Variants in RIC3 observed in about 807,000 individuals in gnomAD.
RIC3 encodes the protein protein RIC-3.
In RIC3, 28 loss-of-function variants were observed where a neutral mutation model predicts 27.3. The ratio of observed to expected loss-of-function variants is 1.02; its 90% confidence interval spans 0.76 to 1.41. The LOEUF is 1.41. Ranked by LOEUF, RIC3 falls within the 40% of genes most tolerant of loss-of-function variation. The pLI is 0.00. For missense variants in RIC3, 501 were observed against 444.7 expected, an observed-to-expected ratio of 1.13 and a Z score of -1.14; for synonymous variants, 184 against 160.4, an observed-to-expected ratio of 1.15 and a Z score of -1.11.
At chr11:8,138,109 T>C (rs112505372) in intron 3 of RIC3, among the ~76,000 whole-genome samples, 163 bp downstream of exon 3, 2 of 152,192 alleles carry the variant, frequency 1.3e-5, no homozygotes, top group South Asian at 2.1e-4. Flanking sequence ...TACATCAATA[T>C]AAAAACTTTT....
the RIC3 span, chr11:8,095,637 G>T: frequency 7.5e-6 from 12 of 1,607,008 alleles, no homozygotes; most frequent in Non-Finnish European, 1.0e-5. Flanking sequence ...CCAGCGGGCA[G>T]GATCTCCGTG....
the RIC3 span, chr11:8,100,773 G>A: frequency 6.2e-7 from 1 of 1,603,926 alleles, no homozygotes; most frequent in Non-Finnish European, 8.5e-7. Context: ...CCTTTCTGGG[G>A]TGGTCATGGT....
intron 4 of RIC3, chr11:8,128,317 T>G (rs1947235232): frequency 4.4e-6 from 2 of 456,376 alleles, no homozygotes; most frequent in Admixed American, 4.7e-5. Context: ...CAGTCTTAAT[T>G]CTGTTTCCTA....
the RIC3 span, chr11:8,097,141 C>T: frequency 3.1e-5 from 46 of 1,470,086 alleles, no homozygotes; most frequent in South Asian, 2.6e-4. Flanking sequence ...CCCACCGCCA[C>T]GTTAGGAGGC....
chr11:8,150,107 T>C (rs868674986), intron 1 of RIC3, among the ~76,000 whole-genome samples: 14 of 152,172 alleles, frequency 9.2e-5, no homozygotes, highest in African/African-American at 2.9e-4. Context: ...CTACAGCTTA[T>C]TGAATATGTA....
intron 4 of RIC3, among the ~76,000 whole-genome samples, chr11:8,130,541 C>G (rs565353830): frequency 6.6e-6 from 1 of 152,186 alleles, no homozygotes; most frequent in Admixed American, 6.5e-5. Flanking sequence ...TGTCTGCAAC[C>G]AAGGAACCCT....
chr11:8,128,356 T>C (rs1453335477), intron 4 of RIC3: 1 of 439,822 alleles, frequency 2.3e-6, no homozygotes, highest in Non-Finnish European at 4.5e-6. Context: ...GCCCTTATCC[T>C]AAAAGAGGAT....
chr11:8,125,097 CA>C (rs1022851965), intron 5 of RIC3, among the ~76,000 whole-genome samples: 1 of 151,416 alleles, frequency 6.6e-6, no homozygotes, highest in Non-Finnish European at 1.5e-5. Context: ...ACTAAAAATA[CA>C]AAAAAATTAG....
chr11:8,136,941 A>G (rs564168772), intron 4 of RIC3, among the ~76,000 whole-genome samples: 2 of 152,230 alleles, frequency 1.3e-5, no homozygotes, highest in East Asian at 3.8e-4. Context: ...CGTAAATGAC[A>G]TATTTACAAT....
At chr11:8,167,714 T>C (rs536054200) in intron 1 of RIC3, among the ~76,000 whole-genome samples, 1 of 150,942 alleles carries the variant, frequency 6.6e-6, no homozygotes, top group Non-Finnish European at 1.5e-5. Context: ...TTCTTCAAAG[T>C]AGACAATATC....
At chr11:8,119,495 A>T (rs929902971) in intron 5 of RIC3, among the ~76,000 whole-genome samples, 17 of 152,166 alleles carry the variant, frequency 1.1e-4, no homozygotes, top group African/African-American at 2.2e-4. Flanking sequence ...TAGCCATATG[A>T]AGAAAGCTGA....
intron 5 of RIC3, among the ~76,000 whole-genome samples, chr11:8,116,347 A>G (rs11041748): frequency 0.035 from 5,382 of 152,302 alleles, 116 homozygotes; most frequent in South Asian, 0.083. Flanking sequence ...AAACCTAGGG[A>G]AAAAGCTCCA....
At chr11:8,127,033 C>A in intron 4 of RIC3, 1 of 567,030 alleles carries the variant, frequency 1.8e-6, no homozygotes, top group Non-Finnish European at 3.1e-6. Flanking sequence ...CAAGTGATTG[C>A]CCAAGGTCCC....
At chr11:8,148,951 C>T (rs1486292727) in intron 1 of RIC3, among the ~76,000 whole-genome samples, 2 of 148,254 alleles carry the variant, frequency 1.3e-5, no homozygotes. Flanking sequence ...GAGGCTTAGG[C>T]GGGCAGATCA....
chr11:8,158,908 T>G (rs1950927294), intron 1 of RIC3, among the ~76,000 whole-genome samples: 1 of 148,714 alleles, frequency 6.7e-6, no homozygotes, highest in Non-Finnish European at 1.5e-5. Context: ...AATTTTTGTA[T>G]TTTTAGTAGA....
Position 8,107,392 on chromosome 11 carries a change from G to A in RIC3, c.*3306C>T, listed in dbSNP as rs923996626. On this transcript the variant is annotated 3_prime_UTR_variant, in exon 6 of 6. Coordinates refer to ENST00000309737, the MANE Select transcript of RIC3 (RefSeq NM_001206671.4). Reference sequence around the variant, plus strand: ...CTCTGGTGGGAAATAGCGCATACAGGATATTCTAAAAAGGAAAGAGGGTTT... The same window carrying A: ...CTCTGGTGGGAAATAGCGCATACAGAATATTCTAAAAAGGAAAGAGGGTTT... The A allele has an allele frequency of 2.0e-5, 3 of 152,164 alleles. No individual in the cohort carries two copies. The highest frequency in any genetic ancestry group is 1.9e-4 in the East Asian group (1 of 5,198). 9.4% of individuals were successfully genotyped at this position (152,164 alleles called of 1,614,324 possible). A position where few individuals can be genotyped will look rare whatever the true frequency, so the allele number is the denominator to read the frequency against.
chr11:8,100,309 A>C, the RIC3 span, among the ~76,000 whole-genome samples: 1 of 152,196 alleles, frequency 6.6e-6, no homozygotes, highest in Non-Finnish European at 1.5e-5. Flanking sequence ...AGGATGACGC[A>C]TAAGAGGAGC....
Position 8,109,900 on chromosome 11 carries a change from A to T in RIC3, c.*798T>A, listed in dbSNP as rs1023530207. On this transcript the variant is annotated 3_prime_UTR_variant, in exon 6 of 6. Transcript: ENST00000309737. ...CAATGGCCTCAAGTCTTGACTCTGC[A>T]GGGCAGGGTCTAAAGTCTCTATCTA... 1 of 152,476 alleles carries T rather than the reference A, an allele frequency of 6.6e-6. No homozygotes were observed. The highest frequency in any genetic ancestry group is 3.4e-3 in the Middle Eastern group (1 of 296). The allele number at this position is 152,476 out of a possible 1,614,324, so 9.4% of individuals were successfully genotyped here.
intron 1 of RIC3, among the ~76,000 whole-genome samples, chr11:8,153,218 T>C (rs1950389099): frequency 6.6e-6 from 1 of 152,168 alleles, no homozygotes; most frequent in African/African-American, 2.4e-5. Context: ...GTACTTTACA[T>C]GCGGTATTAT....
Sources: allele counts gnomAD v4.1 joint callset (sites outside exome capture counted in the v4.1 genomes callset), GRCh38; gene constraint gnomAD v4.1.1; transcripts MANE v1.5; gene names NCBI Gene and HGNC (gene_info 2026-07-23, HGNC 2026-07-21).